The following GRAMD1B variants were observed in gnomAD, a reference collection of about 807,000 sequenced individuals.
GRAMD1B encodes protein Aster-B.
In GRAMD1B, 37 loss-of-function variants were observed where a neutral mutation model predicts 99.7. That is an observed-to-expected ratio of 0.37 (90% CI 0.29 to 0.49). The LOEUF (loss-of-function observed/expected upper bound fraction) is 0.49, where lower values mean the gene tolerates loss of function less well. GRAMD1B is among the 20% of genes least tolerant of loss of function. GRAMD1B has a pLI of 0.98. For synonymous variants in GRAMD1B, 427 were observed against 387.6 expected (o/e 1.10, Z -1.19); for missense variants, 888 against 1,009.2 (o/e 0.88, Z 1.63).
intron 1 of GRAMD1B, among the ~76,000 whole-genome samples, chr11:123,375,781 T>G (rs189623159): frequency 2.0e-5 from 3 of 152,282 alleles, no homozygotes; most frequent in Non-Finnish European, 4.4e-5. Context: ...CATGTCATGT[T>G]GTTGAAGGTT....
chr11:123,532,972 A>G (rs1403715247), intron 2 of GRAMD1B, among the ~76,000 whole-genome samples: 1 of 152,194 alleles, frequency 6.6e-6, no homozygotes, highest in East Asian at 1.9e-4. Flanking sequence ...GCAACAAAAT[A>G]TGTTTTTACT....
chr11:123,508,381 A>G (rs752198559), intron 2 of GRAMD1B, among the ~76,000 whole-genome samples: 1 of 152,200 alleles, frequency 6.6e-6, no homozygotes, highest in Non-Finnish European at 1.5e-5. Flanking sequence ...CACTCTCATG[A>G]CCTAATTACC....
intron 1 of GRAMD1B, among the ~76,000 whole-genome samples, chr11:123,425,056 G>A (rs1948599947): frequency 6.6e-6 from 1 of 152,222 alleles, no homozygotes. Flanking sequence ...GCCCTACACA[G>A]CACTAATGCT....
intron 7 of GRAMD1B, chr11:123,599,045 A>G (rs1444364398): frequency 4.6e-6 from 5 of 1,090,534 alleles, no homozygotes; most frequent in East Asian, 2.4e-5. Context: ...GGTAACGACC[A>G]TATCCCTCTT....
rs573801702 is a variant in GRAMD1B, at chr11:123,516,368, A to T, written c.452+35475A>T. Among the ~76,000 whole-genome samples, 15 of 152,330 alleles carry T rather than the reference A, an allele frequency of 9.8e-5. No individual in the cohort carries two copies. The East Asian group carries it at 2.5e-3, about 25-fold the overall frequency. On this transcript the variant is annotated intron_variant, in intron 2 of 19. Coordinates refer to ENST00000635736, the MANE Select transcript of GRAMD1B (RefSeq NM_001387025.1). ...TTAAAGCTTCCCCTGCCCTAACCTT[A>T]GGGCGCTGTTGAGAAAATGTCCCGA...
intron 1 of GRAMD1B, among the ~76,000 whole-genome samples, chr11:123,438,607 G>T (rs1045524184): frequency 6.6e-6 from 1 of 152,166 alleles, no homozygotes; most frequent in Non-Finnish European, 1.5e-5. Flanking sequence ...GGAACCCTGT[G>T]GGCTGATTTC....
chr11:123,599,331 TG>T (rs1402489064), intron 7 of GRAMD1B: 1 of 700,382 alleles, frequency 1.4e-6, no homozygotes, highest in South Asian at 1.4e-5. Context: ...CCGAGTGCAG[TG>T]ATCAGAATTG....
intron 2 of GRAMD1B, among the ~76,000 whole-genome samples, chr11:123,573,765 T>C (rs1948415707): frequency 6.6e-6 from 1 of 152,164 alleles, no homozygotes; most frequent in Non-Finnish European, 1.5e-5. Flanking sequence ...CACTCAATAA[T>C]GTTTAGTTAT....
At chr11:123,514,849 A>G (rs1031971901) in intron 2 of GRAMD1B, among the ~76,000 whole-genome samples, 6 of 152,112 alleles carry the variant, frequency 3.9e-5, no homozygotes, top group African/African-American at 1.4e-4. Flanking sequence ...TTATTTTTAC[A>G]TCTATCTCTC....
chr11:123,578,690 A>G (rs560060120), intron 3 of GRAMD1B, among the ~76,000 whole-genome samples: 160 of 152,268 alleles, frequency 1.1e-3, no homozygotes, highest in Non-Finnish European at 1.9e-3. Flanking sequence ...CTCCCTGGAC[A>G]CTGCCTCTGG....
At chr11:123,447,960 C>T (rs1027492745) in intron 1 of GRAMD1B, among the ~76,000 whole-genome samples, 2 of 152,136 alleles carry the variant, frequency 1.3e-5, no homozygotes, top group Non-Finnish European at 2.9e-5. Flanking sequence ...AAGGGCTGCT[C>T]TCATCTGTAT....
chr11:123,591,647 C>G lies in GRAMD1B; in HGVS notation c.685-2435C>G, dbSNP rs541458705. ...GCCCCAGATTTGACAATCTTGGAAC[C>G]GAAATTATTTGACCATTTTAAATTG... On this transcript the variant is annotated intron_variant, in intron 4 of 19. Coordinates refer to ENST00000635736, the MANE Select transcript of GRAMD1B (RefSeq NM_001387025.1). The surrounding 1 kb of genome is among the most constrained non-coding windows in gnomAD (Gnocchi z 4.7). The G allele has an allele frequency of 1.3e-5, 5 of 396,560 alleles. No homozygotes were observed. The highest frequency in any genetic ancestry group is 1.0e-4 in the African/African-American group (5 of 48,586). 24.6% of individuals were successfully genotyped at this position (396,560 alleles called of 1,614,324 possible).
intron 1 of GRAMD1B, among the ~76,000 whole-genome samples, chr11:123,422,502 G>A (rs1948480935): frequency 6.6e-6 from 1 of 152,142 alleles, no homozygotes; most frequent in African/African-American, 2.4e-5. Context: ...TTTTTTGCTT[G>A]ACATAATATG....
Position 123,593,369 on chromosome 11 carries a change from G to A in GRAMD1B, c.685-713G>A, listed in dbSNP as rs1950897621. 2.6e-5 allele frequency among the ~76,000 whole-genome samples: 4 copies of A among 152,318 alleles called. No individual in the cohort carries two copies. In the South Asian group the frequency reaches 8.3e-4, roughly 32 times the overall value. ...TTTCTGGGTATCATGTTGCAGTGGG[G>A]GGAAGTGAGCACAGGACCAGGGGTC... On this transcript the variant is annotated intron_variant, in intron 4 of 19. Transcript: ENST00000635736.
At chr11:123,379,183 G>A (rs1946788729) in intron 1 of GRAMD1B, among the ~76,000 whole-genome samples, 1 of 152,226 alleles carries the variant, frequency 6.6e-6, no homozygotes, top group South Asian at 2.1e-4. Context: ...AGAAGGGAGA[G>A]AAGAAAAGAA....
chr11:123,389,702 G>T (rs137931848), intron 1 of GRAMD1B, among the ~76,000 whole-genome samples: 1 of 152,018 alleles, frequency 6.6e-6, no homozygotes, highest in African/African-American at 2.4e-5. Context: ...AGAAGAAACC[G>T]GGTGTGGAGT....
At chr11:123,562,622 T>G (rs1946896259) in intron 2 of GRAMD1B, among the ~76,000 whole-genome samples, 1 of 152,146 alleles carries the variant, frequency 6.6e-6, no homozygotes, top group African/African-American at 2.4e-5. Context: ...ACACTATTCT[T>G]GCGTCCAGAT....
At chr11:123,419,038 G>T (rs553641054) in intron 1 of GRAMD1B, among the ~76,000 whole-genome samples, 6 of 152,224 alleles carry the variant, frequency 3.9e-5, no homozygotes, top group African/African-American at 1.2e-4. Flanking sequence ...GGAAAGAGAC[G>T]TGGGTAAACT....
At chr11:123,569,147 T>C (rs1565387063) in intron 2 of GRAMD1B, among the ~76,000 whole-genome samples, 2 of 152,008 alleles carry the variant, frequency 1.3e-5, no homozygotes, top group African/African-American at 2.4e-5. Context: ...TTCATAGCAG[T>C]GAGAGGGTTG....
Sources: gnomAD v4.1 joint callset for allele counts (sites outside exome capture counted in the v4.1 genomes callset) on GRCh38, gnomAD v4.1.1 for gene constraint, Gnocchi (gnomAD v3.1) non-coding constraint, MANE v1.5 for transcripts, NCBI Gene and HGNC (gene_info 2026-07-23, HGNC 2026-07-21) for gene names.